The following DCHS1 variants were observed in gnomAD, a reference collection of about 807,000 sequenced individuals.
The protein encoded by DCHS1 is dachsous cadherin-related 1, also known as protocadherin-16.
DCHS1 carries 78 observed loss-of-function variants against 213.9 expected under a neutral mutation model. That is an observed-to-expected ratio of 0.36 (90% CI 0.30 to 0.44). DCHS1 has a LOEUF of 0.44. DCHS1 is among the 20% of genes least tolerant of loss of function. DCHS1 has a pLI of 1.00. For synonymous variants in DCHS1, 1,828 were observed against 1,873.7 expected (o/e 0.98, Z 0.63); for missense variants, 3,946 against 4,395.9 (o/e 0.90, Z 2.89).
At position 6,629,456 on chromosome 11, in the gene DCHS1, C is replaced by A. The variant is rs998570121; in HGVS notation, c.5157G>T (p.Leu1719=). 1 of 1,612,810 alleles carries A rather than the reference C, an allele frequency of 6.2e-7. No individual in the cohort carries two copies. Among genetic ancestry groups the A allele is most frequent in the African/African-American group, 1.3e-5 (1 of 74,928 alleles). Residue 1719 remains leucine (L), a synonymous_variant, in exon 12 of 21, where the codon CTG becomes CTT. Transcript: ENST00000299441. ...LDREEQEEIN[L]TVYAQDRGSP... is the part of the protein sequence containing the mutation. ...TGGGGTCCTGTCAACATGTACCTGT[C>A]AGGTTGATCTCCTCCTGTTCCTCTC...
At chr11:6,644,566 G>C (rs1856128236) in intron 1 of DCHS1, among the ~76,000 whole-genome samples, 1 of 152,222 alleles carries the variant, frequency 6.6e-6, no homozygotes, top group African/African-American at 2.4e-5. Flanking sequence ...TTGCACAGCA[G>C]CCTCGATTTG....
chr11:6,624,677 G>T (rs1348951952), intron 20 of DCHS1, 53 bp downstream of exon 20: 9 of 1,610,662 alleles, frequency 5.6e-6, no homozygotes, highest in Non-Finnish European at 7.6e-6. Flanking sequence ...AATGAGGTCA[G>T]ATTACAGCCC....
At chr11:6,645,728 C>A (rs1856144534) in intron 1 of DCHS1, among the ~76,000 whole-genome samples, 1 of 152,284 alleles carries the variant, frequency 6.6e-6, no homozygotes, top group East Asian at 1.9e-4. Flanking sequence ...CCTACCACTG[C>A]AAACTCTTGC....
At position 6,628,951 on chromosome 11, in the gene DCHS1, T is replaced by C. The variant is rs556841149; in HGVS notation, c.5162-121A>G. 1 of 1,022,224 alleles carries C rather than the reference T, an allele frequency of 9.8e-7. No homozygotes were observed. The highest frequency in any genetic ancestry group is 1.4e-5 in the South Asian group (1 of 70,536). The allele number at this position is 1,022,224 out of a possible 1,614,324, so 63.3% of individuals were successfully genotyped here. A position where few individuals can be genotyped will look rare whatever the true frequency, so the allele number is the denominator to read the frequency against. ...AAACCAGAAAATGTCCATCTCTCCA[T>C]ACCTCTCAGGCACACATGTGTCATG... On this transcript the variant is annotated intron_variant, in intron 12 of 20. Transcript: ENST00000299441. The surrounding 1 kb of genome is among the most constrained non-coding windows in gnomAD (Gnocchi z 4.3).
intron 1 of DCHS1, among the ~76,000 whole-genome samples, chr11:6,654,155 A>AT (rs1285897431): frequency 6.6e-6 from 1 of 152,150 alleles, no homozygotes; most frequent in African/African-American, 2.4e-5. Context: ...TGTGAGCTTG[A>AT]TAAGTTAAGC....
In DCHS1 at chr11:6,624,404, G is replaced by A. The variant is rs756833110; in HGVS notation, c.7286-14C>T. 44 of 1,533,284 alleles carry A rather than the reference G, an allele frequency of 2.9e-5. No individual in the cohort carries two copies. The highest frequency in any genetic ancestry group is 1.8e-4 in the South Asian group (15 of 83,538). 95.0% of individuals were successfully genotyped at this position (1,533,284 alleles called of 1,614,324 possible). A position where few individuals can be genotyped will look rare whatever the true frequency, so the allele number is the denominator to read the frequency against. On this transcript the variant is annotated splice_polypyrimidine_tract_variant and intron_variant, in intron 20 of 20. Transcript: ENST00000299441. ...TGAACAGGGTCCCTGAGATGAGAAC[G>A]GAAGGGAAAGAAATATATTCAGCAA...
Position 6,625,878 on chromosome 11 carries a change from A to C in DCHS1, c.6731+42T>G. The C allele has an allele frequency of 6.2e-7, 1 of 1,604,936 alleles. No homozygotes were observed. The highest frequency in any genetic ancestry group is 8.5e-7 in the Non-Finnish European group (1 of 1,175,814). On this transcript the variant is annotated intron_variant, in intron 17 of 20. Transcript: ENST00000299441. This position sits in a 1 kb window ranked among gnomAD's most constrained non-coding sequence, Gnocchi z 5.3. ...TTCAAGGCAGGGCTTGAAACTGGAC[A>C]GGCCCAAGATGGGGTCTTGGGTCCA...
In DCHS1 at chr11:6,624,725, C is replaced by T; in HGVS notation, c.7285+5G>A. The T allele has an allele frequency of 3.1e-6, 5 of 1,613,878 alleles. No individual in the cohort carries two copies. The highest frequency in any genetic ancestry group is 1.7e-5 in the Admixed American group (1 of 60,012). On this transcript the variant is annotated splice_donor_5th_base_variant and intron_variant, in intron 20 of 20. Coordinates refer to ENST00000299441, the MANE Select transcript of DCHS1 (RefSeq NM_003737.4). ...GGCAAGGGGCAGATCCTGGGAAAGA[C>T]GCACCATTGTTGGGGTCAACACTGA...
At chr11:6,647,960 T>C (rs1307572932) in intron 1 of DCHS1, among the ~76,000 whole-genome samples, 2 of 152,174 alleles carry the variant, frequency 1.3e-5, no homozygotes, top group African/African-American at 4.8e-5. Flanking sequence ...TAAGAAGACT[T>C]GGTCACTGAC....
chr11:6,632,528 C>A lies in DCHS1; in HGVS notation c.2984G>T (p.Gly995Val). 6.5e-7 allele frequency: 1 copy of A among 1,533,984 alleles called. No homozygotes were observed. Among genetic ancestry groups the A allele is most frequent in the African/African-American group, 1.4e-5 (1 of 72,854 alleles). The part of the protein sequence containing the change: ...RVVVQDVGTR[G>V]LAPRFNSPTY... The stretch of plus-strand genomic sequence containing the variant: ...AGGGCTGTTGAATCGGGGAGCCAGC[C>A]CACGGGTTCCCACATCCTGTACCAC... Residue 995 changes from glycine to valine, a missense_variant, in exon 6 of 21, where the codon GGG becomes GTG. Around this residue, in one of 3 missense-constraint regions of DCHS1, gnomAD observed 3,384 missense variants for 3,780.1 expected, o/e 0.90. Coordinates refer to ENST00000299441, the MANE Select transcript of DCHS1 (RefSeq NM_003737.4). This position sits in a 1 kb window ranked among gnomAD's most constrained non-coding sequence, Gnocchi z 5.9.
chr11:6,655,220 C>T (rs1856297260), intron 1 of DCHS1, among the ~76,000 whole-genome samples: 1 of 152,160 alleles, frequency 6.6e-6, no homozygotes, highest in Non-Finnish European at 1.5e-5. Context: ...CGCACATGCA[C>T]ACACAGCCAG....
At position 6,629,464 on chromosome 11, in the gene DCHS1, TCTC is replaced by T. The variant is rs779752801; in HGVS notation, c.5146_5148del (p.Glu1716del). 1.3e-5 allele frequency: 21 copies of T among 1,613,012 alleles called. No homozygotes were observed. Among genetic ancestry groups the T allele is most frequent in the Non-Finnish European group, 1.7e-5 (20 of 1,179,480 alleles). ...TGTCAACATGTACCTGTCAGGTTGATCTCCTCCTGTTCCTCTCGATCCAGGGCC... is the reference window on the plus strand; with the variant it reads ...TGTCAACATGTACCTGTCAGGTTGATCTCCTGTTCCTCTCGATCCAGGGCC... On this transcript the variant is annotated inframe_deletion, in exon 12 of 21. Transcript: ENST00000299441.
Position 6,624,138 on chromosome 11 carries a change from C to A in DCHS1, c.7538G>T (p.Arg2513Leu), listed in dbSNP as rs201457110. 6.2e-7 allele frequency: 1 copy of A among 1,611,388 alleles called. No homozygotes were observed. Among genetic ancestry groups the A allele is most frequent in the South Asian group, 1.1e-5 (1 of 90,898 alleles). ...GCTGTAGTCCACAGCGGCATGGCTG[C>A]GGCTTCCATCAGCATCTGTAGCCTC... ...TLEATDADGS[R>L]SHAAVDYSII... The change falls in exon 21 of 21, where the codon CGC becomes CTC. Residue 2513 changes from arginine to leucine, a missense_variant. Coordinates refer to ENST00000299441, the MANE Select transcript of DCHS1 (RefSeq NM_003737.4).
At position 6,623,193 on chromosome 11, in the gene DCHS1, C is replaced by T. The variant is rs201604649; in HGVS notation, c.8483G>A (p.Arg2828His). 22 of 1,604,888 alleles carry T rather than the reference C, an allele frequency of 1.4e-5. No individual in the cohort carries two copies. Among genetic ancestry groups the T allele is most frequent in the South Asian group, 1.1e-4 (10 of 89,490 alleles). The stretch of plus-strand genomic sequence containing the variant: ...CTGCACGTGACCCAAGCTGTGGCCA[C>T]GCCGGGCACCTTCGGGCACTTGGAA... ...FHFQVPEGARRGHSLGHVQAT... is the reference protein window; with the variant it reads ...FHFQVPEGARHGHSLGHVQAT... The change falls in exon 21 of 21, where the codon CGT (arginine) becomes CAT (histidine). Residue 2828 changes from arginine to histidine, a missense_variant. Around this residue, in one of 3 missense-constraint regions of DCHS1, gnomAD observed 3,384 missense variants for 3,780.1 expected, o/e 0.90. Coordinates refer to ENST00000299441, the MANE Select transcript of DCHS1 (RefSeq NM_003737.4).
rs750396861 is a variant in DCHS1, at chr11:6,629,634, A to T, written c.5035+38T>A. On this transcript the variant is annotated intron_variant, in intron 11 of 20. Coordinates refer to ENST00000299441, the MANE Select transcript of DCHS1 (RefSeq NM_003737.4). ...GGGTAAAAATGCTGTTTCTTGCCCC[A>T]GTCCATCCCACTCATAATTCACCCC... 6.8e-6 allele frequency: 11 copies of T among 1,612,696 alleles called. No individual in the cohort carries two copies. The South Asian group carries it at 1.2e-4, about 18-fold the overall frequency.
rs373710080 is a variant in DCHS1, at chr11:6,624,758, G to A, written c.7257C>T (p.Ala2419=). Reference sequence around the variant, plus strand: ...TGTTGGGGTCAACACTGAAGCCATCGGCAGGGGAAGCCAGGTGGTAGGAAA... The same window carrying A: ...TGTTGGGGTCAACACTGAAGCCATCAGCAGGGGAAGCCAGGTGGTAGGAAA... The part of the protein sequence containing the change: ...GHISYHLASP[A]DGFSVDPNNG... The change falls in exon 20 of 21, where the codon GCC becomes GCT. Residue 2419 remains alanine (A), a synonymous_variant. Transcript: ENST00000299441. The A allele has an allele frequency of 2.5e-5, 41 of 1,613,896 alleles. No homozygotes were observed. Among genetic ancestry groups the A allele is most frequent in the East Asian group, 2.0e-4 (9 of 44,874 alleles).
Position 6,640,201 on chromosome 11 carries a change from G to A in DCHS1, c.1413C>T (p.Ala471=), listed in dbSNP as rs776680299. The part of the protein sequence containing the change: ...HVTDVNDNAP[A]FDRQLYRPEP... ...CAGGTCGGTAGAGCTGGCGGTCAAA[G>A]GCAGGTGCATTGTCGTTGACATCAG... is the stretch of plus-strand genomic sequence containing the variant. Residue 471 remains alanine, a synonymous_variant, in exon 2 of 21, where the codon GCC becomes GCT. Transcript: ENST00000299441. This position sits in a 1 kb window ranked among gnomAD's most constrained non-coding sequence, Gnocchi z 6.5. 3.7e-6 allele frequency: 6 copies of A among 1,613,632 alleles called. No homozygotes were observed.
intron 2 of DCHS1, among the ~76,000 whole-genome samples, chr11:6,635,739 G>A (rs74053464): frequency 2.1e-3 from 324 of 152,252 alleles, no homozygotes; most frequent in African/African-American, 7.5e-3. Context: ...GCACAGCTGC[G>A]GCACCATCTC....
chr11:6,622,390 C>A lies in DCHS1; in HGVS notation c.9286G>T (p.Gly3096Trp). Residue 3096 changes from glycine to tryptophan, a missense_variant, in exon 21 of 21, where the codon GGG (glycine) becomes TGG (tryptophan). By Grantham distance (184) the Gly-to-Trp change is radical (BLOSUM62 -2). Around this residue, in one of 3 missense-constraint regions of DCHS1, gnomAD observed 554 missense variants for 590.2 expected, o/e 0.94. Coordinates refer to ENST00000299441, the MANE Select transcript of DCHS1 (RefSeq NM_003737.4). The surrounding 1 kb of genome is among the most constrained non-coding windows in gnomAD (Gnocchi z 5.4). ...GCTCCTGCACCTGGCAGCAGCAGCC[C>A]TGCCTTTCGGCCCTTATACCAGGTG... ...PDTWYKGRKA[G>W]LLLPGAGATL... 1 of 1,560,022 alleles carries A rather than the reference C, an allele frequency of 6.4e-7. No individual in the cohort carries two copies. The highest frequency in any genetic ancestry group is 2.4e-5 in the East Asian group (1 of 42,498).
Sources: gnomAD v4.1 joint callset for allele counts (sites outside exome capture counted in the v4.1 genomes callset) on GRCh38, gnomAD v4.1.1 for gene constraint, gnomAD v4.1.1 regional missense constraint, Gnocchi (gnomAD v3.1) non-coding constraint, MANE v1.5 for transcripts, NCBI Gene and HGNC (gene_info 2026-07-23, HGNC 2026-07-21) for gene names.